The following DPYSL5 variants were observed in gnomAD, a reference collection of about 807,000 sequenced individuals.
The protein encoded by DPYSL5 is dihydropyrimidinase like 5.
Under a neutral mutation model 58.4 loss-of-function variants are expected in DPYSL5, and 9 were observed. The ratio of observed to expected loss-of-function variants is 0.15; its 90% CI spans 0.09 to 0.27. The LOEUF (loss-of-function observed/expected upper bound fraction) is 0.27, where lower values mean the gene tolerates loss of function less well. Ranked by LOEUF, DPYSL5 falls within the 10% of genes least tolerant of loss-of-function variation. The pLI is 1.00. For missense variants in DPYSL5, 499 were observed against 770.6 expected (o/e 0.65, Z 4.17); for synonymous variants, 293 against 301.9 (o/e 0.97, Z 0.31).
intron 2 of DPYSL5, among the ~76,000 whole-genome samples, chr2:26,899,664 G>T (rs1322919352): frequency 1.3e-5 from 2 of 152,150 alleles, no homozygotes; most frequent in African/African-American, 4.8e-5. Flanking sequence ...GGCCCTTAAG[G>T]TCTCCTTGAG....
intron 1 of DPYSL5, among the ~76,000 whole-genome samples, chr2:26,867,289 C>A (rs1172124662): frequency 6.6e-6 from 1 of 152,186 alleles, no homozygotes; most frequent in Non-Finnish European, 1.5e-5. Context: ...AATACATCAT[C>A]TCTGCAATTT....
chr2:26,930,542 C>T (rs1342847998), intron 5 of DPYSL5, among the ~76,000 whole-genome samples: 6 of 152,310 alleles, frequency 3.9e-5, no homozygotes, highest in Non-Finnish European at 4.4e-5. Flanking sequence ...TTACGCAACT[C>T]GGCTGGGTGC....
chr2:26,901,453 C>T (rs1206183694), intron 2 of DPYSL5, among the ~76,000 whole-genome samples: 2 of 152,062 alleles, frequency 1.3e-5, no homozygotes, highest in African/African-American at 2.4e-5. Context: ...GGTGTAGCTT[C>T]CCAGTTTCTG....
At chr2:26,926,289 C>G (rs1664828560) in intron 3 of DPYSL5, among the ~76,000 whole-genome samples, 1 of 152,126 alleles carries the variant, frequency 6.6e-6, no homozygotes. Context: ...CATTCCTTAT[C>G]TCAAATGGGG....
At chr2:26,856,445 A>C (rs190862359) in intron 1 of DPYSL5, among the ~76,000 whole-genome samples, 1 of 152,254 alleles carries the variant, frequency 6.6e-6, no homozygotes, top group African/African-American at 2.4e-5. Flanking sequence ...TATATTTGCG[A>C]GATTTCTCTT....
intron 1 of DPYSL5, among the ~76,000 whole-genome samples, chr2:26,871,344 G>A (rs1430173469): frequency 6.6e-6 from 1 of 152,084 alleles, no homozygotes; most frequent in South Asian, 2.1e-4. Context: ...TCTTTAAATA[G>A]ATTTACTTAA....
chr2:26,948,835 C>T lies in DPYSL5; in HGVS notation c.*1840C>T, dbSNP rs1256429620. ...TCACGCCACTGCACTTCAGCCTGGA[C>T]GACAGAGTGAGACTCCATCTCAAAA... is the stretch of plus-strand genomic sequence containing the variant. On this transcript the variant is annotated 3_prime_UTR_variant, in exon 13 of 13. Transcript: ENST00000288699. The T allele has an allele frequency of 3.9e-5, 6 of 152,484 alleles. No individual in the cohort carries two copies. The highest frequency in any genetic ancestry group is 9.7e-5 in the African/African-American group (4 of 41,406). 9.4% of individuals were successfully genotyped at this position (152,484 alleles called of 1,614,324 possible).
At chr2:26,888,465 T>G (rs958161330) in intron 1 of DPYSL5, among the ~76,000 whole-genome samples, 2 of 151,618 alleles carry the variant, frequency 1.3e-5, no homozygotes, top group African/African-American at 4.9e-5. Flanking sequence ...GGGACGGGGG[T>G]TTCACTATAT....
At chr2:26,853,079 G>C (rs1665795351) in intron 1 of DPYSL5, among the ~76,000 whole-genome samples, 1 of 152,202 alleles carries the variant, frequency 6.6e-6, no homozygotes, top group Admixed American at 6.5e-5. Flanking sequence ...CAAATAGTAG[G>C]AATAGCTCTC....
At chr2:26,862,363 G>T (rs1294642263) in intron 1 of DPYSL5, among the ~76,000 whole-genome samples, 1 of 152,152 alleles carries the variant, frequency 6.6e-6, no homozygotes, top group Non-Finnish European at 1.5e-5. Flanking sequence ...CACAATAATT[G>T]CCTGAAGTGC....
chr2:26,947,231 C>T lies in DPYSL5; in HGVS notation c.*236C>T, dbSNP rs1232498040. The T allele has an allele frequency of 6.2e-6, 3 of 481,998 alleles. No individual in the cohort carries two copies. The highest frequency in any genetic ancestry group is 3.9e-5 in the African/African-American group (2 of 51,530). 29.9% of individuals were successfully genotyped at this position (481,998 alleles called of 1,614,324 possible). ...GTAGTCCTTTCTGCCTTGGCCTCGGCGGGCTTTTCTGGGGCCCAGGAAGCC... is the reference window on the plus strand; with the variant it reads ...GTAGTCCTTTCTGCCTTGGCCTCGGTGGGCTTTTCTGGGGCCCAGGAAGCC... On this transcript the variant is annotated 3_prime_UTR_variant, in exon 13 of 13. Coordinates refer to ENST00000288699, the MANE Select transcript of DPYSL5 (RefSeq NM_020134.4). The surrounding 1 kb of genome is among the most constrained non-coding windows in gnomAD (Gnocchi z 4.2).
At position 26,891,626 on chromosome 2, in the gene DPYSL5, AG is replaced by A. The variant is rs1663882034; in HGVS notation, c.-4-6867del. ...AACTGAGCCAGCTGGGTCTGAATGA[AG>A]GGTCACGTTGGATTCCTTCTGGCTT... On this transcript the variant is annotated intron_variant, in intron 1 of 12. Transcript: ENST00000288699. 2.6e-5 allele frequency among the ~76,000 whole-genome samples: 4 copies of A among 152,162 alleles called. No homozygotes were observed. In the South Asian group the frequency reaches 8.3e-4, roughly 31 times the overall value.
intron 2 of DPYSL5, among the ~76,000 whole-genome samples, chr2:26,900,577 C>T (rs1473282549): frequency 6.6e-6 from 1 of 152,202 alleles, no homozygotes; most frequent in African/African-American, 2.4e-5. Flanking sequence ...TGTCTGTACA[C>T]ATTTTGTTGG....
At chr2:26,872,082 A>C (rs1663275258) in intron 1 of DPYSL5, among the ~76,000 whole-genome samples, 1 of 152,128 alleles carries the variant, frequency 6.6e-6, no homozygotes, top group Admixed American at 6.5e-5. Context: ...CTGCCTCCTC[A>C]CTCATAATTC....
intron 1 of DPYSL5, among the ~76,000 whole-genome samples, chr2:26,872,472 A>G (rs1460466621): frequency 1.3e-5 from 2 of 152,182 alleles, no homozygotes; most frequent in African/African-American, 2.4e-5. Flanking sequence ...TGGGCGGATC[A>G]CGAGGGCAGG....
intron 1 of DPYSL5, among the ~76,000 whole-genome samples, chr2:26,855,641 C>T (rs1572668352): frequency 2.0e-5 from 3 of 152,120 alleles, no homozygotes; most frequent in Admixed American, 2.0e-4. Flanking sequence ...TAGTAGTGCC[C>T]GGTACTCAAT....
Position 26,947,316 on chromosome 2 carries a change from C to T in DPYSL5, c.*321C>T, listed in dbSNP as rs1436652797. On this transcript the variant is annotated 3_prime_UTR_variant, in exon 13 of 13. Transcript: ENST00000288699. The surrounding 1 kb of genome is among the most constrained non-coding windows in gnomAD (Gnocchi z 4.2). ...GGCCAGCCCTTCCTCTCACTCCTGC[C>T]TCCGCTGGCTTTGGGAAAGCCCAGA... The T allele has an allele frequency of 1.7e-5, 4 of 235,368 alleles. No individual in the cohort carries two copies. The highest frequency in any genetic ancestry group is 3.4e-5 in the Non-Finnish European group (4 of 118,976). 14.6% of individuals were successfully genotyped at this position (235,368 alleles called of 1,614,324 possible).
chr2:26,930,191 G>T (rs754844475), intron 5 of DPYSL5, among the ~76,000 whole-genome samples: 8 of 151,672 alleles, frequency 5.3e-5, no homozygotes, highest in African/African-American at 1.7e-4. Flanking sequence ...CACCAGATTC[G>T]ACTGAAACAC....
rs1665087275 is a variant in DPYSL5, at chr2:26,933,380, TGGAGATGGATG to T, written c.790+50_790+60del. On this transcript the variant is annotated intron_variant, in intron 7 of 12. Coordinates refer to ENST00000288699, the MANE Select transcript of DPYSL5 (RefSeq NM_020134.4). The surrounding 1 kb of genome is among the most constrained non-coding windows in gnomAD (Gnocchi z 4.2). Reference sequence around the variant, plus strand: ...GACAGAGCAGGTCAAGTGGAGGGACTGGAGATGGATGGGGCCCATTAGCCGTGCTCACTCCT... The same window carrying T: ...GACAGAGCAGGTCAAGTGGAGGGACTGGGCCCATTAGCCGTGCTCACTCCT... 6.4e-7 allele frequency: 1 copy of T among 1,556,330 alleles called. No individual in the cohort carries two copies. The highest frequency in any genetic ancestry group is 2.2e-5 in the East Asian group (1 of 44,546).
Sources: allele counts gnomAD v4.1 joint callset (sites outside exome capture counted in the v4.1 genomes callset), GRCh38; gene constraint gnomAD v4.1.1; non-coding constraint Gnocchi (gnomAD v3.1); transcripts MANE v1.5; gene names NCBI Gene and HGNC (gene_info 2026-07-23, HGNC 2026-07-21).